ANXA9: variants seen among roughly 807,000 people sequenced by gnomAD.
ANXA9 encodes annexin 31.
A neutral mutation model predicts 51.8 loss-of-function variants in ANXA9; 47 were observed. That is an observed-to-expected ratio of 0.91 (90% CI 0.72 to 1.16). The LOEUF (loss-of-function observed/expected upper bound fraction) is 1.16, where lower values mean the gene tolerates loss of function less well. ANXA9 is among the 50% of genes most tolerant of loss of function. The pLI is 0.00. For missense variants in ANXA9, 361 were observed against 424.7 expected, an observed-to-expected ratio of 0.85 and a Z score of 1.32; for synonymous variants, 154 against 168.7, an observed-to-expected ratio of 0.91 and a Z score of 0.68.
intron 5 of ANXA9, 88 bp downstream of exon 5, chr1:150,984,157 G>A: frequency 6.5e-7 from 1 of 1,537,666 alleles, no homozygotes. Context: ...GCTGAGGCCA[G>A]CCCCTGCTTC....
At chr1:150,991,445 C>T (rs1030027801) in intron 12 of ANXA9, among the ~76,000 whole-genome samples, 7 of 151,770 alleles carry the variant, frequency 4.6e-5, no homozygotes, top group Admixed American at 4.6e-4. Context: ...CCATGTTGGT[C>T]AGGCTGGTCC....
At chr1:150,991,698 C>T (rs750684276) in intron 12 of ANXA9, among the ~76,000 whole-genome samples, 11 of 152,086 alleles carry the variant, frequency 7.2e-5, no homozygotes, top group Middle Eastern at 3.2e-3. Context: ...CCCGCCACCA[C>T]ATCCGGCTAA....
At chr1:150,994,470 G>A in intron 12 of ANXA9, 107 bp from the exon 13 acceptor site, 4 of 1,527,800 alleles carry the variant, frequency 2.6e-6, no homozygotes, top group Non-Finnish European at 3.6e-6. Context: ...CTTATCCCTT[G>A]ACTCCCACCT....
chr1:150,990,721 G>A (rs924656700), intron 12 of ANXA9, among the ~76,000 whole-genome samples: 17 of 152,138 alleles, frequency 1.1e-4, no homozygotes, highest in Admixed American at 7.2e-4. Context: ...AGTGGTGAGC[G>A]CCTGTAATCT....
chr1:150,985,177 C>CTT (rs1671519316), intron 7 of ANXA9, among the ~76,000 whole-genome samples: 1 of 130,768 alleles, frequency 7.6e-6, no homozygotes, highest in South Asian at 2.3e-4. Flanking sequence ...GTCTCTCTCT[C>CTT]TCTCTCTCTC....
At chr1:150,990,489 C>T (rs1173186766) in intron 12 of ANXA9, among the ~76,000 whole-genome samples, 1 of 152,100 alleles carries the variant, frequency 6.6e-6, no homozygotes, top group East Asian at 1.9e-4. Context: ...GCCTCTGTGT[C>T]TTAAGTAGCT....
intron 11 of ANXA9, 44 bp from the exon 12 acceptor site, chr1:150,988,239 G>T: frequency 6.2e-7 from 1 of 1,614,200 alleles, no homozygotes; most frequent in Non-Finnish European, 8.5e-7. Context: ...ATGGGAGATT[G>T]TGGTCCTAGT....
rs587747081 is a variant in ANXA9 at position 150,983,023 on chromosome 1, G to C, written c.-16-67G>C. ...TGGAACCCAGGGTCCAGGGTCTCGG[G>C]GGGGTCATAAGGAGTCCCTGAAGGG... On this transcript the variant is annotated intron_variant, in intron 2 of 13. Coordinates refer to ENST00000368947, the MANE Select transcript of ANXA9 (RefSeq NM_003568.3). 76 of 1,214,380 alleles carry C rather than the reference G, an allele frequency of 6.3e-5. No individual in the cohort carries two copies. The Admixed American group carries it at 7.2e-4, about 11-fold the overall frequency. The allele number at this position is 1,214,380 out of a possible 1,614,324, so 75.2% of individuals were successfully genotyped here.
rs1214844836 is a variant in ANXA9 at position 150,988,100 on chromosome 1, A to G, written c.707A>G (p.Gln236Arg). ...CTCCTACACACACAAGTGTTTGATCAGTACCAGCGGAGCACTGGGCAAGAG... is the reference window on the plus strand; with the variant it reads ...CTCCTACACACACAAGTGTTTGATCGGTACCAGCGGAGCACTGGGCAAGAG... ...NPEHLIRVFD[Q>R]YQRSTGQELE... The change falls in exon 11 of 14, where the codon CAG becomes CGG. Residue 236 changes from glutamine (Q) to arginine (R), a missense_variant. Physicochemically the swap from Gln to Arg is conservative, Grantham distance 43. Transcript: ENST00000368947. The G allele has an allele frequency of 6.2e-7, 1 of 1,614,230 alleles. No homozygotes were observed. Among genetic ancestry groups the G allele is most frequent in the Admixed American group, 1.7e-5 (1 of 60,018 alleles).
At chr1:150,992,662 T>G (rs745560499) in intron 12 of ANXA9, among the ~76,000 whole-genome samples, 1 of 151,238 alleles carries the variant, frequency 6.6e-6, no homozygotes, top group African/African-American at 2.4e-5. Context: ...ATAAAAAAAT[T>G]AGCTGGGCGT....
At chr1:150,981,890 A>G (rs1021057828), upstream of ANXA9, 1 of 152,276 alleles carries the variant, frequency 6.6e-6, no homozygotes. Context: ...GTTTTTCCCT[A>G]TCAGCCTTGA....
At chr1:150,988,564 T>C (rs1035319170) in intron 12 of ANXA9, among the ~76,000 whole-genome samples, 8 of 152,208 alleles carry the variant, frequency 5.3e-5, no homozygotes, top group African/African-American at 1.7e-4. Flanking sequence ...ATTTTGGCCT[T>C]GTTAATGTCT....
chr1:150,995,195 G>C (rs1671820806), intron 13 of ANXA9, 65 bp from the exon 14 acceptor site: 1 of 1,521,042 alleles, frequency 6.6e-7, no homozygotes, highest in Non-Finnish European at 9.0e-7. Context: ...GCCCAAAGGA[G>C]GGGAGAGAGC....
At chr1:150,983,565 C>T (rs373472141) in intron 4 of ANXA9, 131 bp downstream of exon 4, 9 of 885,890 alleles carry the variant, frequency 1.0e-5, no homozygotes, top group South Asian at 5.1e-5. Flanking sequence ...GTATGTCAGG[C>T]GCCACAGTAG....
intron 12 of ANXA9, among the ~76,000 whole-genome samples, chr1:150,991,133 G>A (rs763146648): frequency 6.7e-6 from 1 of 149,202 alleles, no homozygotes; most frequent in Non-Finnish European, 1.5e-5. Flanking sequence ...ACAGAGTGAT[G>A]CTCCATCTCT....
chr1:150,983,462 A>G, intron 4 of ANXA9, 28 bp downstream of exon 4: 2 of 1,578,614 alleles, frequency 1.3e-6, no homozygotes, highest in South Asian at 1.2e-5. Context: ...GGCACTTGAG[A>G]CTGCCTTTTA....
Position 150,983,334 on chromosome 1 carries a change from A to C in ANXA9, c.76-4A>C, listed in dbSNP as rs760769873. On this transcript the variant is annotated splice_polypyrimidine_tract_variant and splice_region_variant and intron_variant, in intron 3 of 13. Coordinates refer to ENST00000368947, the MANE Select transcript of ANXA9 (RefSeq NM_003568.3). The stretch of plus-strand genomic sequence containing the variant: ...CCCTTGCCAACTACCCTGTGCTCCC[A>C]CAGACTGCAGCGTGGGGGACCCTGG... 6.2e-7 allele frequency: 1 copy of C among 1,613,768 alleles called. No homozygotes were observed. The highest frequency in any genetic ancestry group is 1.3e-5 in the African/African-American group (1 of 74,940).
rs189667604 is a variant in ANXA9 at position 150,994,697 on chromosome 1, C to T, written c.973C>T (p.Gln325Ter). The change falls in exon 13 of 14, where the codon CAG (glutamine) becomes TAG (stop). Residue 325 changes from glutamine (Q) to a stop codon, truncating the protein, a stop_gained and splice_region_variant. Transcript: ENST00000368947. LOFTEE classifies it high-confidence loss of function. Reference sequence around the variant, plus strand: ...TGGGAAGTCCCTCTACTCTTCTCTCCAGGTGAAACTTGGCTACTTCTTAGC... The same window carrying T: ...TGGGAAGTCCCTCTACTCTTCTCTCTAGGTGAAACTTGGCTACTTCTTAGC... ...KFGKSLYSSL[Q>*]DAVKGDCQSA... 13 of 1,613,884 alleles carry T rather than the reference C, an allele frequency of 8.1e-6. No homozygotes were observed. The Admixed American group carries it at 2.2e-4, about 27-fold the overall frequency.
At chr1:150,991,091 C>T (rs185087237) in intron 12 of ANXA9, among the ~76,000 whole-genome samples, 50 of 149,668 alleles carry the variant, frequency 3.3e-4, no homozygotes, top group South Asian at 1.5e-3. Flanking sequence ...TGCAGTGAGC[C>T]GAGATCGCGC....
Sources: gnomAD v4.1 joint callset for allele counts (sites outside exome capture counted in the v4.1 genomes callset) on GRCh38, gnomAD v4.1.1 for gene constraint, MANE v1.5 for transcripts, NCBI Gene and HGNC (gene_info 2026-07-23, HGNC 2026-07-21) for gene names.